Variants in TMEM156 observed in about 807,000 individuals in gnomAD.
The protein encoded by TMEM156 is transmembrane protein 156.
A neutral mutation model predicts 30.5 loss-of-function variants in TMEM156; 28 were observed. The ratio of observed to expected loss-of-function variants is 0.92; its 90% confidence interval spans 0.68 to 1.26. TMEM156 has a LOEUF of 1.26. TMEM156 is among the 50% of genes most tolerant of loss of function. The probability of loss-of-function intolerance (pLI) is 0.00; values close to 1 mark genes in which losing one functional copy is unlikely to be tolerated. For missense variants in TMEM156, 351 were observed against 340.6 expected (o/e 1.03, Z -0.24); for synonymous variants, 137 against 119.9 (o/e 1.14, Z -0.93).
intron 6 of TMEM156, among the ~76,000 whole-genome samples, chr4:38,968,914 C>T (rs1228963473): frequency 3.9e-5 from 6 of 152,166 alleles, no homozygotes. Context: ...CGCTGGGCTC[C>T]AGTGCCCTCT....
chr4:39,028,757 A>T lies in TMEM156; in HGVS notation c.88+3469T>A, dbSNP rs144561779. ...CTTAATTGCAAGAAGCTCTGAATCA[A>T]AATATATCCACCACTCCCTTTTGTA... On this transcript the variant is annotated intron_variant, in intron 1 of 6. Transcript: ENST00000381938. 1.0e-3 allele frequency among the ~76,000 whole-genome samples: 158 copies of T among 152,378 alleles called. 1 individual carries two copies. Among genetic ancestry groups the T allele is most frequent in the African/African-American group, 3.5e-3 (147 of 41,592 alleles).
intron 5 of TMEM156, among the ~76,000 whole-genome samples, chr4:38,985,854 T>G (rs1711942932): frequency 6.6e-6 from 1 of 152,214 alleles, no homozygotes; most frequent in Non-Finnish European, 1.5e-5. Context: ...CCCCCATCAC[T>G]GCTCTAATTA....
At chr4:38,983,900 T>C (rs917002078) in intron 5 of TMEM156, among the ~76,000 whole-genome samples, 3 of 152,244 alleles carry the variant, frequency 2.0e-5, no homozygotes, top group African/African-American at 7.2e-5. Context: ...GCTCATCCGC[T>C]CTTTTTACTC....
At chr4:39,004,022 T>G (rs1318262567) in intron 1 of TMEM156, among the ~76,000 whole-genome samples, 1 of 152,148 alleles carries the variant, frequency 6.6e-6, no homozygotes, top group Non-Finnish European at 1.5e-5. Flanking sequence ...GGAAAAGAAA[T>G]AAATAGAAGA....
chr4:38,985,906 G>T (rs1174400414), intron 5 of TMEM156, among the ~76,000 whole-genome samples: 1 of 152,182 alleles, frequency 6.6e-6, no homozygotes, highest in Non-Finnish European at 1.5e-5. Flanking sequence ...AGAGGACAGG[G>T]GGCTTTTTAA....
intron 1 of TMEM156, among the ~76,000 whole-genome samples, chr4:39,018,661 GA>G (rs1417949728): frequency 6.6e-6 from 1 of 152,172 alleles, no homozygotes; most frequent in Non-Finnish European, 1.5e-5. Context: ...GTTTTCAAGA[GA>G]TGAGCTATCA....
chr4:39,009,025 A>T (rs192395905), intron 1 of TMEM156, among the ~76,000 whole-genome samples: 92 of 152,256 alleles, frequency 6.0e-4, no homozygotes, highest in African/African-American at 2.2e-3. Context: ...ATTAAAAAAG[A>T]AAAAGAGAAG....
At chr4:39,018,092 A>G (rs111437885) in intron 1 of TMEM156, among the ~76,000 whole-genome samples, 1 of 151,866 alleles carries the variant, frequency 6.6e-6, no homozygotes, top group African/African-American at 2.4e-5. Flanking sequence ...AAATTGATTC[A>G]GTGATTTTTT....
intron 5 of TMEM156, among the ~76,000 whole-genome samples, chr4:38,974,437 A>C (rs1425726090): frequency 6.6e-6 from 1 of 152,064 alleles, no homozygotes; most frequent in African/African-American, 2.4e-5. Context: ...TCAAAAATAG[A>C]ATTAGGAAAT....
At chr4:39,009,920 A>C (rs577039012) in intron 1 of TMEM156, among the ~76,000 whole-genome samples, 1 of 152,302 alleles carries the variant, frequency 6.6e-6, no homozygotes, top group East Asian at 1.9e-4. Context: ...AGAGAGAAAT[A>C]AAAGGAATCC....
At chr4:38,988,403 T>C (rs950803236) in intron 4 of TMEM156, among the ~76,000 whole-genome samples, 1 of 149,992 alleles carries the variant, frequency 6.7e-6, no homozygotes, top group Non-Finnish European at 1.5e-5. Flanking sequence ...TTTGTATTTT[T>C]AGTAGAGACG....
chr4:38,995,576 G>A (rs975319119), intron 2 of TMEM156, among the ~76,000 whole-genome samples: 11 of 152,162 alleles, frequency 7.2e-5, no homozygotes, highest in Non-Finnish European at 1.2e-4. Context: ...TTAACTGGGC[G>A]TGGTGGCGCA....
chr4:39,024,449 A>G (rs1715073609), intron 1 of TMEM156, among the ~76,000 whole-genome samples: 1 of 152,248 alleles, frequency 6.6e-6, no homozygotes, highest in Non-Finnish European at 1.5e-5. Flanking sequence ...AGATCTTTCC[A>G]TAAAGAAAAT....
chr4:38,984,302 C>A (rs960617236), intron 5 of TMEM156, among the ~76,000 whole-genome samples: 1 of 150,790 alleles, frequency 6.6e-6, no homozygotes, highest in Admixed American at 6.6e-5. Context: ...GGTACGAGCC[C>A]ATTTATCTCT....
intron 4 of TMEM156, among the ~76,000 whole-genome samples, chr4:38,986,859 G>T (rs1479354258): frequency 1.9e-5 from 2 of 106,028 alleles, no homozygotes; most frequent in African/African-American, 7.1e-5. Flanking sequence ...AAAGGAAAGC[G>T]ACAGCTCTTA....
At chr4:39,003,454 C>A (rs1485278891) in intron 1 of TMEM156, among the ~76,000 whole-genome samples, 1 of 152,080 alleles carries the variant, frequency 6.6e-6, no homozygotes. Flanking sequence ...TCTGCCTCAC[C>A]CTCCTGAATA....
At chr4:38,976,970 A>G (rs1410317842) in intron 5 of TMEM156, among the ~76,000 whole-genome samples, 2 of 152,290 alleles carry the variant, frequency 1.3e-5, no homozygotes, top group Middle Eastern at 6.8e-3. Flanking sequence ...CAGTGGCACA[A>G]TCTTGGCTCA....
chr4:38,993,784 C>A lies in TMEM156; in HGVS notation c.573G>T (p.Pro191=). 1 of 1,613,040 alleles carries A rather than the reference C, an allele frequency of 6.2e-7. No homozygotes were observed. Among genetic ancestry groups the A allele is most frequent in the African/African-American group, 1.3e-5 (1 of 74,972 alleles). The change falls in exon 3 of 7, where the codon CCG becomes CCT. Residue 191 remains proline (P), a synonymous_variant. Coordinates refer to ENST00000381938, the MANE Select transcript of TMEM156 (RefSeq NM_024943.3). ...GCAAAGAAATGTGTATACAATCATT[C>A]GGGTATTCCATGATTCTACAAGTGT... ...INYTCRIMEY[P]NDCIHISLHL...
At chr4:39,005,361 C>T (rs1713659316) in intron 1 of TMEM156, among the ~76,000 whole-genome samples, 1 of 152,156 alleles carries the variant, frequency 6.6e-6, no homozygotes, top group South Asian at 2.1e-4. Flanking sequence ...TGAGTTCTCA[C>T]AAGATCTGAT....
Sources: allele counts gnomAD v4.1 joint callset (sites outside exome capture counted in the v4.1 genomes callset), GRCh38; gene constraint gnomAD v4.1.1; transcripts MANE v1.5; gene names NCBI Gene and HGNC (gene_info 2026-07-23, HGNC 2026-07-21).